Variants in EYS observed in about 807,000 individuals in gnomAD.
EYS encodes the protein protein eyes shut homolog.
A neutral mutation model predicts 282.1 loss-of-function variants in EYS; 250 were observed. The ratio of observed to expected loss-of-function variants is 0.89; its 90% CI spans 0.80 to 0.98. EYS has a LOEUF of 0.98. Among genes scored for constraint, EYS ranks in the 50% least tolerant of loss-of-function variants. The pLI is 0.00. For synonymous variants in EYS, 1,355 were observed against 1,282.9 expected, an observed-to-expected ratio of 1.06 and a Z score of -1.20; for missense variants, 4,016 against 3,709.0, an observed-to-expected ratio of 1.08 and a Z score of -2.15.
intron 16 of EYS, among the ~76,000 whole-genome samples, chr6:64,909,312 T>C (rs1053468513): frequency 1.3e-5 from 2 of 152,140 alleles, no homozygotes; most frequent in Non-Finnish European, 2.9e-5. Context: ...AAAAAGTTGG[T>C]TACAATAAAA....
chr6:64,915,674 T>G (rs1478432654), intron 15 of EYS, among the ~76,000 whole-genome samples: 1 of 152,222 alleles, frequency 6.6e-6, no homozygotes, highest in African/African-American at 2.4e-5. Context: ...GAATATTTCT[T>G]TAGCTTTTAG....
chr6:63,916,682 A>G (rs1000377817), intron 35 of EYS, among the ~76,000 whole-genome samples: 1 of 151,858 alleles, frequency 6.6e-6, no homozygotes, highest in African/African-American at 2.4e-5. Context: ...TTGTCTTTTC[A>G]TTTTCTTGAT....
chr6:64,865,505 C>T (rs1766399882), intron 19 of EYS, among the ~76,000 whole-genome samples: 1 of 151,892 alleles, frequency 6.6e-6, no homozygotes, highest in African/African-American at 2.4e-5. Flanking sequence ...AGGAAACAAA[C>T]AAAATAAAGT....
intron 31 of EYS, among the ~76,000 whole-genome samples, chr6:64,209,522 A>G (rs1424905144): frequency 6.6e-6 from 1 of 152,196 alleles, no homozygotes; most frequent in South Asian, 2.1e-4. Context: ...CATAATGGCC[A>G]TGCAATCTTA....
Position 65,633,774 on chromosome 6 carries a change from A to G in EYS, c.-333+6004T>C, listed in dbSNP as rs1766999357. 2.0e-5 allele frequency among the ~76,000 whole-genome samples: 3 copies of G among 152,226 alleles called. No homozygotes were observed. The South Asian group carries it at 6.2e-4, about 32-fold the overall frequency. The stretch of plus-strand genomic sequence containing the variant: ...TCAGCAAACTAAAGCCCACAGATCA[A>G]ATTGGAGTCCTTCCTACTTTTGTAA... On this transcript the variant is annotated intron_variant, in intron 2 of 42. Coordinates refer to ENST00000503581, the MANE Select transcript of EYS (RefSeq NM_001142800.2).
At chr6:65,228,828 GAC>G (rs1766696556) in intron 12 of EYS, among the ~76,000 whole-genome samples, 1 of 152,034 alleles carries the variant, frequency 6.6e-6, no homozygotes, top group Non-Finnish European at 1.5e-5. Context: ...ACTTGTTAAT[GAC>G]ACAGAATACA....
intron 28 of EYS, among the ~76,000 whole-genome samples, chr6:64,400,947 T>C (rs1039498904): frequency 1.3e-5 from 2 of 151,936 alleles, no homozygotes; most frequent in Admixed American, 1.3e-4. Context: ...GGAAGAAAAA[T>C]TTAGTGAGCC....
intron 26 of EYS, among the ~76,000 whole-genome samples, chr6:64,452,469 A>G (rs1775389003): frequency 6.6e-6 from 1 of 152,322 alleles, no homozygotes; most frequent in East Asian, 1.9e-4. Context: ...ATCTCTATCA[A>G]GCTACCAATG....
chr6:64,063,612 T>G (rs931418459), intron 33 of EYS, among the ~76,000 whole-genome samples: 1 of 152,202 alleles, frequency 6.6e-6, no homozygotes, highest in Non-Finnish European at 1.5e-5. Context: ...CTGTCTACCT[T>G]TCAAACTTTG....
At chr6:65,572,584 G>A (rs558307330) in intron 2 of EYS, among the ~76,000 whole-genome samples, 1 of 152,236 alleles carries the variant, frequency 6.6e-6, no homozygotes, top group East Asian at 1.9e-4. Flanking sequence ...TGCCACATAA[G>A]AGTATTTCAG....
intron 12 of EYS, among the ~76,000 whole-genome samples, chr6:65,060,473 C>CA (rs1169586040): frequency 6.6e-6 from 1 of 151,898 alleles, no homozygotes; most frequent in African/African-American, 2.4e-5. Flanking sequence ...GTAAAAAACT[C>CA]ACAGCATACT....
At chr6:64,795,986 G>A (rs1344158576) in intron 22 of EYS, among the ~76,000 whole-genome samples, 14 of 151,910 alleles carry the variant, frequency 9.2e-5, no homozygotes. Flanking sequence ...TTGCGTACGT[G>A]GATGAGTCTA....
intron 29 of EYS, among the ~76,000 whole-genome samples, chr6:64,329,942 C>T (rs1770577975): frequency 6.6e-6 from 1 of 152,116 alleles, no homozygotes; most frequent in South Asian, 2.1e-4. Context: ...CTCCTGAAAG[C>T]ATCTTTGCCT....
intron 29 of EYS, among the ~76,000 whole-genome samples, chr6:64,374,556 G>A (rs983787282): frequency 1.9e-4 from 29 of 152,100 alleles, no homozygotes; most frequent in African/African-American, 5.8e-4. Context: ...CCATGCTGAG[G>A]CCAGATAGGC....
chr6:65,621,149 G>T (rs1766468521), intron 2 of EYS, among the ~76,000 whole-genome samples: 1 of 152,226 alleles, frequency 6.6e-6, no homozygotes, highest in Admixed American at 6.5e-5. Context: ...TGTTGACAGT[G>T]GGGTGTTAAA....
intron 39 of EYS, among the ~76,000 whole-genome samples, chr6:63,785,507 G>C (rs1031389525): frequency 6.6e-6 from 1 of 152,036 alleles, no homozygotes; most frequent in African/African-American, 2.4e-5. Flanking sequence ...ATCTTATTAG[G>C]GCAGATAAAA....
intron 12 of EYS, among the ~76,000 whole-genome samples, chr6:65,283,641 C>T (rs1474987436): frequency 6.6e-6 from 1 of 151,780 alleles, no homozygotes; most frequent in Non-Finnish European, 1.5e-5. Flanking sequence ...GTTAACTCTA[C>T]TTTTCTCCAA....
chr6:64,354,563 C>T (rs1405490161), intron 29 of EYS, among the ~76,000 whole-genome samples: 2 of 151,428 alleles, frequency 1.3e-5, no homozygotes, highest in Non-Finnish European at 3.0e-5. Context: ...GGAAAAATAG[C>T]CATGATTTTC....
chr6:63,856,543 G>A (rs958171916), intron 36 of EYS, among the ~76,000 whole-genome samples: 42 of 152,248 alleles, frequency 2.8e-4, no homozygotes, highest in African/African-American at 9.6e-4. Flanking sequence ...TGTAAAAGTG[G>A]ACAATAACAG....
Sources: allele counts gnomAD v4.1 joint callset (sites outside exome capture counted in the v4.1 genomes callset), GRCh38; gene constraint gnomAD v4.1.1; transcripts MANE v1.5; gene names NCBI Gene and HGNC (gene_info 2026-07-23, HGNC 2026-07-21).